The following CAMSAP2 variants were observed in gnomAD, a reference collection of about 807,000 sequenced individuals.
CAMSAP2 encodes the protein calmodulin regulated spectrin associated protein family member 2, also known as calmodulin-regulated spectrin-associated protein 2.
A neutral mutation model predicts 146.1 loss-of-function variants in CAMSAP2; 26 were observed. That is an observed-to-expected ratio of 0.18 (90% CI 0.13 to 0.25). The LOEUF (loss-of-function observed/expected upper bound fraction) is 0.25, where lower values mean the gene tolerates loss of function less well. Ranked by LOEUF, CAMSAP2 falls within the 10% of genes least tolerant of loss-of-function variation. The pLI is 1.00. For synonymous variants in CAMSAP2, 499 were observed against 596.6 expected (o/e 0.84, Z 2.38); for missense variants, 1,381 against 1,759.3 (o/e 0.78, Z 3.85).
At chr1:200,784,888 G>A (rs1398955925) in intron 2 of CAMSAP2, among the ~76,000 whole-genome samples, 29 of 152,162 alleles carry the variant, frequency 1.9e-4, no homozygotes, top group Non-Finnish European at 2.9e-5. Flanking sequence ...TTTTGAAGAT[G>A]TTCTTTTTCG....
At chr1:200,767,578 G>T (rs186082733) in intron 2 of CAMSAP2, among the ~76,000 whole-genome samples, 1 of 149,534 alleles carries the variant, frequency 6.7e-6, no homozygotes, top group East Asian at 2.0e-4. Context: ...TAATTTACTT[G>T]TGTAGAGGCT....
rs190061275 is a variant in CAMSAP2, at chr1:200,803,437, C to T, written c.400-3939C>T. Among the ~76,000 whole-genome samples, 141 of 152,240 alleles carry T rather than the reference C, an allele frequency of 9.3e-4. 1 individual carries two copies. Among genetic ancestry groups the T allele is most frequent in the Admixed American group, 8.3e-3 (127 of 15,290 alleles). The stretch of plus-strand genomic sequence containing the variant: ...TGTTAGTTATTGTTATTATTCTGAT[C>T]TGAATGCTTTAGGTAAGCAATTAAA... On this transcript the variant is annotated intron_variant, in intron 2 of 16. Coordinates refer to ENST00000358823, the MANE Select transcript of CAMSAP2 (RefSeq NM_203459.4).
chr1:200,843,819 A>G (rs562073689), intron 7 of CAMSAP2, among the ~76,000 whole-genome samples: 200 of 152,108 alleles, frequency 1.3e-3, no homozygotes, highest in Middle Eastern at 3.4e-3. Context: ...TCACAAAACT[A>G]AACGCTCAAA....
At chr1:200,755,320 A>G (rs1440693344) in intron 1 of CAMSAP2, among the ~76,000 whole-genome samples, 1 of 152,262 alleles carries the variant, frequency 6.6e-6, no homozygotes, top group Non-Finnish European at 1.5e-5. Flanking sequence ...AGAGATATAT[A>G]TCTGAAGCAT....
At chr1:200,754,891 T>A (rs1333717092) in intron 1 of CAMSAP2, among the ~76,000 whole-genome samples, 2 of 152,078 alleles carry the variant, frequency 1.3e-5, no homozygotes, top group African/African-American at 4.8e-5. Flanking sequence ...CGAAAGAGCT[T>A]TTTTAATGTA....
rs112620339 is a variant in CAMSAP2 at position 200,855,074 on chromosome 1, G to A, written c.3896+185G>A. Among the ~76,000 whole-genome samples, 773 of 150,328 alleles carry A rather than the reference G, an allele frequency of 5.1e-3. 10 individuals are homozygous for A. The highest frequency in any genetic ancestry group is 0.018 in the African/African-American group (743 of 41,402). ...CTGTTAAAATAAATTATGTAAAGAG[G>A]TGTCTATTCATCTTTCAGTGCTTGT... On this transcript the variant is annotated intron_variant, in intron 14 of 16. Transcript: ENST00000358823.
rs748678216 is a variant in CAMSAP2, at chr1:200,857,831, T to G, written c.4209T>G (p.Thr1403=). ...DSGCQFRSLY[T]YCPETEEINK... ...GATGCCAGTTCAGATCTTTATACAC[T>G]TATTGCCCAGAAACTGAAGAAATCA... Residue 1403 remains threonine, a synonymous_variant, in exon 17 of 17, where the codon ACT becomes ACG. Transcript: ENST00000358823. This position sits in a 1 kb window ranked among gnomAD's most constrained non-coding sequence, Gnocchi z 4.7. 1 of 1,613,792 alleles carries G rather than the reference T, an allele frequency of 6.2e-7. No individual in the cohort carries two copies.
Position 200,817,756 on chromosome 1 carries a change from A to G in CAMSAP2, c.645+2112A>G, listed in dbSNP as rs141698607. 1.2e-3 allele frequency among the ~76,000 whole-genome samples: 183 copies of G among 152,344 alleles called. No homozygotes were observed. In the Middle Eastern group the frequency reaches 0.02, roughly 17 times the overall value. On this transcript the variant is annotated intron_variant, in intron 4 of 16. Transcript: ENST00000358823. Reference sequence around the variant, plus strand: ...CCACGTACAATTTTGTCTGATTTTGATGTTTTGGGATCACAATGCTTTCCC... The same window carrying G: ...CCACGTACAATTTTGTCTGATTTTGGTGTTTTGGGATCACAATGCTTTCCC...
intron 1 of CAMSAP2, among the ~76,000 whole-genome samples, chr1:200,754,393 T>C (rs1351317680): frequency 1.3e-5 from 2 of 152,088 alleles, no homozygotes; most frequent in Non-Finnish European, 2.9e-5. Flanking sequence ...TATAAAATTA[T>C]TTTTCCACTT....
At chr1:200,814,609 CAA>C (rs1204730822) in intron 3 of CAMSAP2, among the ~76,000 whole-genome samples, 8 of 24,120 alleles carry the variant, frequency 3.3e-4, no homozygotes, top group African/African-American at 5.2e-4. Context: ...GATTGCATCC[CAA>C]AAAAAAAAAA....
At chr1:200,819,395 GTCTTGTATTGTGTGAGCA>G (rs1289957867) in intron 4 of CAMSAP2, among the ~76,000 whole-genome samples, 3 of 152,148 alleles carry the variant, frequency 2.0e-5, no homozygotes, top group African/African-American at 4.8e-5. Flanking sequence ...TTGCACAGGT[GTCTTGTATTGTGTGAGCA>G]TCTTGTATTT....
At chr1:200,789,309 T>C (rs1443026947) in intron 2 of CAMSAP2, among the ~76,000 whole-genome samples, 6 of 152,210 alleles carry the variant, frequency 3.9e-5, no homozygotes, top group Non-Finnish European at 7.3e-5. Context: ...TTTTATAGTT[T>C]TGTTGTACAT....
chr1:200,850,012 A>G lies in CAMSAP2; in HGVS notation c.3243A>G (p.Val1081=). 1 of 1,614,008 alleles carries G rather than the reference A, an allele frequency of 6.2e-7. No homozygotes were observed. Residue 1081 remains valine (V), a synonymous_variant, in exon 11 of 17, where the codon GTA becomes GTG. Transcript: ENST00000358823. The part of the protein sequence containing the change: ...EVLSLPVTET[V]CLTPNEDQLN... The stretch of plus-strand genomic sequence containing the variant: ...TATCACTGCCTGTCACAGAGACTGT[A>G]TGTCTGACACCAAATGAGGACCAAT...
At chr1:200,802,600 T>TA (rs1210009855) in intron 2 of CAMSAP2, among the ~76,000 whole-genome samples, 2 of 152,188 alleles carry the variant, frequency 1.3e-5, no homozygotes, top group Non-Finnish European at 2.9e-5. Context: ...TATTTCCTCT[T>TA]AAATACCTGT....
intron 2 of CAMSAP2, among the ~76,000 whole-genome samples, chr1:200,801,508 A>T (rs59481078): frequency 2.8e-3 from 425 of 152,200 alleles, no homozygotes; most frequent in African/African-American, 9.4e-3. Context: ...TTCTCCTGGA[A>T]AATATCCTGA....
intron 4 of CAMSAP2, among the ~76,000 whole-genome samples, chr1:200,829,043 T>G (rs1198985041): frequency 2.0e-5 from 3 of 152,036 alleles, no homozygotes; most frequent in Non-Finnish European, 4.4e-5. Context: ...TAATCCCAGC[T>G]ACTCGGGAGG....
intron 4 of CAMSAP2, among the ~76,000 whole-genome samples, chr1:200,831,578 G>A (rs1363324135): frequency 1.3e-5 from 2 of 151,372 alleles, no homozygotes; most frequent in Non-Finnish European, 2.9e-5. Context: ...TTCTGAGGGG[G>A]AGCAAGAACC....
intron 2 of CAMSAP2, among the ~76,000 whole-genome samples, chr1:200,776,650 G>C (rs183765592): frequency 6.6e-6 from 1 of 152,110 alleles, no homozygotes; most frequent in Non-Finnish European, 1.5e-5. Flanking sequence ...CTTGAACCTG[G>C]GAGGTGGAGG....
intron 2 of CAMSAP2, among the ~76,000 whole-genome samples, chr1:200,763,744 A>G (rs2103004900): frequency 6.6e-6 from 1 of 152,132 alleles, no homozygotes. Context: ...TGCGTGAGAA[A>G]ATTTCTCAGA....
Sources: allele counts gnomAD v4.1 joint callset (sites outside exome capture counted in the v4.1 genomes callset), GRCh38; gene constraint gnomAD v4.1.1; non-coding constraint Gnocchi (gnomAD v3.1); transcripts MANE v1.5; gene names NCBI Gene and HGNC (gene_info 2026-07-23, HGNC 2026-07-21).